SREK1: variants seen among roughly 807,000 people sequenced by gnomAD.
SREK1 encodes splicing regulatory glutamine/lysine-rich protein 1.
Under a neutral mutation model 66.5 loss-of-function variants are expected in SREK1, and 13 were observed. That is an observed-to-expected ratio of 0.20 (90% CI 0.13 to 0.31). SREK1 has a LOEUF of 0.31. Ranked by LOEUF, SREK1 falls within the 10% of genes least tolerant of loss-of-function variation. SREK1 has a pLI of 1.00. For missense variants in SREK1, 607 were observed against 769.6 expected, an observed-to-expected ratio of 0.79 and a Z score of 2.50; for synonymous variants, 265 against 263.5, an observed-to-expected ratio of 1.01 and a Z score of -0.05.
At position 66,151,215 on chromosome 5, in the gene SREK1, TTGA is replaced by T. The variant is rs59403900; in HGVS notation, c.162-2244_162-2242del. 8.1e-3 allele frequency among the ~76,000 whole-genome samples: 1,234 copies of T among 152,268 alleles called. 23 individuals are homozygous for T. Among genetic ancestry groups the T allele is most frequent in the East Asian group, 0.078 (406 of 5,186 alleles). ...TGTGGTTATTCACTCTGGGATGAAG[TTGA>T]TGAGTCCCAGCCATCTTTTGAATGT... On this transcript the variant is annotated intron_variant, in intron 1 of 11. Coordinates refer to ENST00000334121, the MANE Select transcript of SREK1 (RefSeq NM_001077199.3).
At chr5:66,157,674 A>G (rs1744407600) in intron 2 of SREK1, 3 of 967,554 alleles carry the variant, frequency 3.1e-6, no homozygotes, top group Non-Finnish European at 3.7e-6. Context: ...TTGTTGATGC[A>G]TGTTAAGAAA....
chr5:66,144,873 CG>C (rs1279522007), intron 1 of SREK1: 13 of 1,029,766 alleles, frequency 1.3e-5, no homozygotes, highest in African/African-American at 1.7e-5. Context: ...CAGGTGGGCC[CG>C]GAACAGCCCT....
At chr5:66,171,862 T>TAA (rs1745668712) in intron 9 of SREK1, among the ~76,000 whole-genome samples, 1 of 152,206 alleles carries the variant, frequency 6.6e-6, no homozygotes, top group Admixed American at 6.5e-5. Flanking sequence ...ATGTCTCACC[T>TAA]TATTTAATCC....
intron 2 of SREK1, chr5:66,156,638 TC>T: frequency 1.0e-6 from 1 of 985,340 alleles, no homozygotes. Context: ...TTTTTGTCCT[TC>T]CCCCTGGAAT....
At position 66,156,344 on chromosome 5, in the gene SREK1, G is replaced by A. The variant is rs1459037655; in HGVS notation, c.295+2748G>A. 4 of 1,278,768 alleles carry A rather than the reference G, an allele frequency of 3.1e-6. No individual in the cohort carries two copies. The East Asian group carries it at 1.3e-4, about 43-fold the overall frequency. 79.2% of individuals were successfully genotyped at this position (1,278,768 alleles called of 1,614,324 possible). On this transcript the variant is annotated intron_variant, in intron 2 of 11. Transcript: ENST00000334121. ...TGGTTTTCCCAGTTCTTTGTAAATG[G>A]TATTTCATTAAGGGTTCATAACGTG...
Position 66,183,050 on chromosome 5 carries a change from G to GT in SREK1, c.*4186dup, listed in dbSNP as rs1746623567. The GT allele has an allele frequency of 6.6e-6, 1 of 152,016 alleles. No homozygotes were observed. Among genetic ancestry groups the GT allele is most frequent in the Admixed American group, 6.6e-5 (1 of 15,262 alleles). 9.4% of individuals were successfully genotyped at this position (152,016 alleles called of 1,614,324 possible). ...GTTCTTAATATAATGTTTATAAAAG[G>GT]TTTTAAGTCTGTTGCCTGATTTTTA... On this transcript the variant is annotated 3_prime_UTR_variant, in exon 12 of 12. Coordinates refer to ENST00000334121, the MANE Select transcript of SREK1 (RefSeq NM_001077199.3).
chr5:66,156,385 G>A, intron 2 of SREK1: 1 of 1,177,424 alleles, frequency 8.5e-7, no homozygotes, highest in Non-Finnish European at 1.0e-6. Context: ...AATTATATTG[G>A]GAGATGATTA....
At chr5:66,152,384 A>G (rs897280545) in intron 1 of SREK1, among the ~76,000 whole-genome samples, 2 of 152,194 alleles carry the variant, frequency 1.3e-5, no homozygotes, top group Non-Finnish European at 2.9e-5. Context: ...AAAAACGGCT[A>G]ATGTTTGTGG....
Position 66,182,663 on chromosome 5 carries a change from A to C in SREK1, c.*3795A>C, listed in dbSNP as rs1337017246. 1 of 152,032 alleles carries C rather than the reference A, an allele frequency of 6.6e-6. No individual in the cohort carries two copies. Among genetic ancestry groups the C allele is most frequent in the Non-Finnish European group, 1.5e-5 (1 of 68,014 alleles). The allele number at this position is 152,032 out of a possible 1,614,324, so 9.4% of individuals were successfully genotyped here. On this transcript the variant is annotated 3_prime_UTR_variant, in exon 12 of 12. Coordinates refer to ENST00000334121, the MANE Select transcript of SREK1 (RefSeq NM_001077199.3). ...CACTGCAATCTTGACCTTTCTCGGC[A>C]TGGATGATCCTCTCACCTCAGCCTC...
In SREK1 at chr5:66,153,701, G is replaced by C. The variant is rs955017911; in HGVS notation, c.295+105G>C. On this transcript the variant is annotated intron_variant, in intron 2 of 11. Transcript: ENST00000334121. ...AGTAGACAGTACTCTTGGTGTGTGT[G>C]TGAAAGTAAGAATGAAATTTGGAGG... The C allele has an allele frequency of 3.5e-6, 5 of 1,420,362 alleles. No homozygotes were observed. The African/African-American group carries it at 7.3e-5, about 21-fold the overall frequency. The allele number at this position is 1,420,362 out of a possible 1,614,324, so 88.0% of individuals were successfully genotyped here.
In SREK1 at chr5:66,182,327, TA is replaced by T. The variant is rs1165130844; in HGVS notation, c.*3460del. 1 of 152,184 alleles carries T rather than the reference TA, an allele frequency of 6.6e-6. No homozygotes were observed. Among genetic ancestry groups the T allele is most frequent in the African/African-American group, 2.4e-5 (1 of 41,460 alleles). The allele number at this position is 152,184 out of a possible 1,614,324, so 9.4% of individuals were successfully genotyped here. A position where few individuals can be genotyped will look rare whatever the true frequency, so the allele number is the denominator to read the frequency against. On this transcript the variant is annotated 3_prime_UTR_variant, in exon 12 of 12. Coordinates refer to ENST00000334121, the MANE Select transcript of SREK1 (RefSeq NM_001077199.3). Reference sequence around the variant, plus strand: ...TTTTTTATTTTCACTACATATATATTATTTTCTCATGTTTATTTACTAATGT... The same window carrying T: ...TTTTTTATTTTCACTACATATATATTTTTTCTCATGTTTATTTACTAATGT...
At chr5:66,165,062 G>T in intron 7 of SREK1, 165 bp downstream of exon 7, 1 of 562,352 alleles carries the variant, frequency 1.8e-6, no homozygotes, top group Non-Finnish European at 2.9e-6. Context: ...CTGTAGTTGA[G>T]AATGAAATTT....
At chr5:66,153,052 A>G (rs553077404) in intron 1 of SREK1, among the ~76,000 whole-genome samples, 2 of 152,324 alleles carry the variant, frequency 1.3e-5, no homozygotes, top group East Asian at 3.9e-4. Context: ...TAGTGATGTA[A>G]ATGCTTGGGA....
At chr5:66,156,514 G>C (rs1744297343) in intron 2 of SREK1, 1 of 989,802 alleles carries the variant, frequency 1.0e-6, no homozygotes, top group Non-Finnish European at 1.2e-6. Flanking sequence ...TTTTATTCTT[G>C]AAACATTAAA....
Position 66,170,587 on chromosome 5 carries a change from A to G in SREK1, c.1124A>G (p.Asp375Gly), listed in dbSNP as rs1745550496. Reference protein sequence around the residue: ...RKSRSRSHSRDKRKDTREKIK... With the variant: ...RKSRSRSHSRGKRKDTREKIK... ...TTTATTTATTTTTGTTTTTAAAGGGACAAGAGAAAAGACACTCGAGAAAAG... is the reference window on the plus strand; with the variant it reads ...TTTATTTATTTTTGTTTTTAAAGGGGCAAGAGAAAAGACACTCGAGAAAAG... Residue 375 changes from aspartate (D) to glycine (G), a missense_variant and splice_region_variant, in exon 9 of 12, where the codon GAC (aspartate) becomes GGC (glycine). By Grantham distance (94) the Asp-to-Gly change is moderately conservative. Coordinates refer to ENST00000334121, the MANE Select transcript of SREK1 (RefSeq NM_001077199.3). 2 of 1,588,744 alleles carry G rather than the reference A, an allele frequency of 1.3e-6. No individual in the cohort carries two copies. Among genetic ancestry groups the G allele is most frequent in the African/African-American group, 1.4e-5 (1 of 73,048 alleles).
intron 8 of SREK1, 152 bp from the exon 9 acceptor site, chr5:66,170,433 T>A (rs1023400915): frequency 4.2e-5 from 49 of 1,168,838 alleles, no homozygotes; most frequent in Non-Finnish European, 5.4e-5. Flanking sequence ...GTTTAGCAGC[T>A]TCTTGTACAC....
intron 6 of SREK1, 194 bp from the exon 7 acceptor site, chr5:66,164,589 T>TA (rs1377744396): frequency 7.1e-5 from 107 of 1,516,440 alleles, no homozygotes; most frequent in Non-Finnish European, 9.3e-5. Flanking sequence ...AATCATCTGG[T>TA]TTATATGTAC....
intron 7 of SREK1, chr5:66,165,219 A>G (rs1745074809): frequency 5.5e-6 from 1 of 181,320 alleles, no homozygotes; most frequent in South Asian, 1.3e-4. Context: ...CATTCTTCAT[A>G]TTGAGAAAAG....
At chr5:66,147,851 T>C (rs1241590303) in intron 1 of SREK1, among the ~76,000 whole-genome samples, 1 of 152,124 alleles carries the variant, frequency 6.6e-6, no homozygotes, top group Admixed American at 6.6e-5. Flanking sequence ...GTGCTATCAT[T>C]ATGTAATATA....
Sources: allele counts gnomAD v4.1 joint callset (sites outside exome capture counted in the v4.1 genomes callset), GRCh38; gene constraint gnomAD v4.1.1; transcripts MANE v1.5; gene names NCBI Gene and HGNC (gene_info 2026-07-23, HGNC 2026-07-21).